The following CARMIL1 variants were observed in gnomAD, a reference collection of about 807,000 sequenced individuals.
CARMIL1 encodes capping protein regulator and myosin 1 linker 1.
CARMIL1 carries 90 observed loss-of-function variants against 177.1 expected under a neutral mutation model. The observed-to-expected ratio is 0.51, with a 90% CI of 0.43 to 0.61. CARMIL1 has a LOEUF of 0.61. CARMIL1 is among the 20% of genes least tolerant of loss of function. CARMIL1 has a pLI of 0.00. For missense variants in CARMIL1, 1,380 were observed against 1,667.0 expected, an observed-to-expected ratio of 0.83 and a Z score of 3.00; for synonymous variants, 577 against 606.2, an observed-to-expected ratio of 0.95 and a Z score of 0.71.
At chr6:25,295,403 C>T (rs993688449) in intron 2 of CARMIL1, among the ~76,000 whole-genome samples, 2 of 152,004 alleles carry the variant, frequency 1.3e-5, no homozygotes, top group East Asian at 3.9e-4. Flanking sequence ...AGGTTATTTC[C>T]AATATTTTGC....
intron 29 of CARMIL1, among the ~76,000 whole-genome samples, chr6:25,569,285 T>C (rs1004297661): frequency 6.6e-6 from 1 of 152,330 alleles, no homozygotes; most frequent in Middle Eastern, 3.4e-3. Flanking sequence ...AAACTGAGCA[T>C]GATGAAAATC....
At chr6:25,391,400 G>C (rs1459061510) in intron 2 of CARMIL1, among the ~76,000 whole-genome samples, 1 of 152,206 alleles carries the variant, frequency 6.6e-6, no homozygotes, top group Non-Finnish European at 1.5e-5. Context: ...TGGTGATAAT[G>C]AATGGGCTAG....
At chr6:25,529,075 G>C (rs1271077123) in intron 24 of CARMIL1, among the ~76,000 whole-genome samples, 182 bp downstream of exon 24, 2 of 152,274 alleles carry the variant, frequency 1.3e-5, no homozygotes, top group African/African-American at 4.8e-5. Context: ...CTAATTCTAA[G>C]GCTAAATATG....
intron 29 of CARMIL1, among the ~76,000 whole-genome samples, chr6:25,561,101 A>C (rs532062726): frequency 6.6e-6 from 1 of 152,246 alleles, no homozygotes; most frequent in Admixed American, 6.5e-5. Context: ...TAGAATCTTT[A>C]TTGTTCACAG....
intron 2 of CARMIL1, among the ~76,000 whole-genome samples, chr6:25,400,670 A>G (rs1049561851): frequency 2.0e-5 from 3 of 152,224 alleles, no homozygotes; most frequent in Non-Finnish European, 2.9e-5. Context: ...TTAGAAGGAA[A>G]TGGGTTTTTC....
intron 2 of CARMIL1, among the ~76,000 whole-genome samples, chr6:25,392,241 A>G (rs1456738829): frequency 1.3e-5 from 2 of 152,146 alleles, no homozygotes; most frequent in East Asian, 3.8e-4. Flanking sequence ...GAAGGTATCT[A>G]GCTTAACCTT....
At chr6:25,469,519 T>C (rs1800910524) in intron 9 of CARMIL1, among the ~76,000 whole-genome samples, 1 of 152,128 alleles carries the variant, frequency 6.6e-6, no homozygotes, top group African/African-American at 2.4e-5. Context: ...GCAAGGAGAA[T>C]TTTAAAATCA....
chr6:25,492,110 G>A lies in CARMIL1; in HGVS notation c.1220+86G>A, dbSNP rs1582135703. The A allele has an allele frequency of 1.2e-5, 13 of 1,117,510 alleles. No individual in the cohort carries two copies. The South Asian group carries it at 1.6e-4, about 14-fold the overall frequency. 69.2% of individuals were successfully genotyped at this position (1,117,510 alleles called of 1,614,324 possible). On this transcript the variant is annotated intron_variant, in intron 15 of 36. Transcript: ENST00000329474. ...AGTGATAAGGAAAACAGTGATAAAGGGTGAATGTTGTATATGAAAGAAGGC... is the reference window on the plus strand; with the variant it reads ...AGTGATAAGGAAAACAGTGATAAAGAGTGAATGTTGTATATGAAAGAAGGC...
In CARMIL1 at chr6:25,440,689, A is replaced by G. The variant is rs141305712; in HGVS notation, c.371+5085A>G. On this transcript the variant is annotated intron_variant, in intron 5 of 36. Transcript: ENST00000329474. ...CTATCAGTCAGGGGAATATTTGTTT[A>G]TATAAATAATGCACAATAGAACATG... Among the ~76,000 whole-genome samples, 596 of 152,334 alleles carry G rather than the reference A, an allele frequency of 3.9e-3. 1 individual carries two copies. The highest frequency in any genetic ancestry group is 0.013 in the African/African-American group (550 of 41,560).
intron 11 of CARMIL1, among the ~76,000 whole-genome samples, chr6:25,480,393 CTTAA>C (rs1006703265): frequency 4.6e-5 from 7 of 151,742 alleles, no homozygotes; most frequent in African/African-American, 1.4e-4. Flanking sequence ...ATTGTATCTT[CTTAA>C]TTAATGAAAT....
In CARMIL1 at chr6:25,488,601, T is replaced by G; in HGVS notation, c.1065+16T>G. ...TGACCTCTCAGTAAGTTTTCTTTTC[T>G]TTATTCCATCTTCGAAGAAGCTGTG... On this transcript the variant is annotated intron_variant, in intron 13 of 36. Transcript: ENST00000329474. 3 of 1,578,426 alleles carry G rather than the reference T, an allele frequency of 1.9e-6. No individual in the cohort carries two copies. The Middle Eastern group carries it at 5.0e-4, about 264-fold the overall frequency.
intron 2 of CARMIL1, among the ~76,000 whole-genome samples, chr6:25,402,649 T>C (rs1562090850): frequency 1.3e-5 from 2 of 152,232 alleles, no homozygotes; most frequent in Admixed American, 6.5e-5. Context: ...CTAGCCATAA[T>C]TGCTATATTA....
At chr6:25,615,474 G>A (rs1228294299) in intron 36 of CARMIL1, among the ~76,000 whole-genome samples, 1 of 152,052 alleles carries the variant, frequency 6.6e-6, no homozygotes, top group Non-Finnish European at 1.5e-5. Context: ...TGATGTTCTT[G>A]TAAGAGTGTA....
chr6:25,411,660 A>C (rs1794912944), intron 2 of CARMIL1, among the ~76,000 whole-genome samples: 1 of 152,220 alleles, frequency 6.6e-6, no homozygotes, highest in Admixed American at 6.5e-5. Context: ...TGCTGTATGT[A>C]AACATTCCAT....
intron 5 of CARMIL1, among the ~76,000 whole-genome samples, chr6:25,438,036 A>G (rs976635282): frequency 6.6e-5 from 10 of 152,202 alleles, no homozygotes; most frequent in Non-Finnish European, 1.5e-5. Context: ...TGTAAATTGT[A>G]TAGCCTGACA....
At chr6:25,417,128 T>C (rs750182225) in intron 2 of CARMIL1, among the ~76,000 whole-genome samples, 1 of 152,164 alleles carries the variant, frequency 6.6e-6, no homozygotes, top group Non-Finnish European at 1.5e-5. Context: ...ATCCTGGGGC[T>C]AAACTGGAGT....
At position 25,411,633 on chromosome 6, in the gene CARMIL1, A is replaced by C. The variant is rs11969928; in HGVS notation, c.139-8481A>C. ...AATAGTGTGACTTTGGAAAGAATGA[A>C]GTGATTGTGTCTGGCATGCTGTATG... On this transcript the variant is annotated intron_variant, in intron 2 of 36. Transcript: ENST00000329474. 8.2e-3 allele frequency among the ~76,000 whole-genome samples: 1,252 copies of C among 152,300 alleles called. 17 individuals are homozygous for C. The highest frequency in any genetic ancestry group is 0.028 in the African/African-American group (1,168 of 41,556).
intron 2 of CARMIL1, among the ~76,000 whole-genome samples, chr6:25,399,821 A>G (rs1362971003): frequency 1.3e-5 from 2 of 152,234 alleles, no homozygotes; most frequent in East Asian, 1.9e-4. Context: ...TTACTGGTTG[A>G]ACTATGACTG....
intron 2 of CARMIL1, among the ~76,000 whole-genome samples, chr6:25,340,584 G>C (rs1242643848): frequency 2.0e-5 from 3 of 152,028 alleles, no homozygotes; most frequent in Non-Finnish European, 4.4e-5. Context: ...CATAATGTAA[G>C]ATTGAACCCC....
Sources: allele counts gnomAD v4.1 joint callset (sites outside exome capture counted in the v4.1 genomes callset), GRCh38; gene constraint gnomAD v4.1.1; transcripts MANE v1.5; gene names NCBI Gene and HGNC (gene_info 2026-07-23, HGNC 2026-07-21).